The following SOD2 variants were observed in gnomAD, a reference collection of about 807,000 sequenced individuals.
The protein encoded by SOD2 is superoxide dismutase 2.
In SOD2, 11 loss-of-function variants were observed where a neutral mutation model predicts 27.0. That is an observed-to-expected ratio of 0.41 (90% CI 0.26 to 0.67). The LOEUF (loss-of-function observed/expected upper bound fraction) is 0.67. SOD2 is among the 30% of genes least tolerant of loss of function. The pLI is 0.34. For missense variants in SOD2, 250 were observed against 274.5 expected (o/e 0.91, Z 0.63); for synonymous variants, 105 against 103.0 (o/e 1.02, Z -0.12).
Position 159,682,526 on chromosome 6 carries a change from A to G in SOD2, c.636T>C (p.Asn212=). The change falls in exon 5 of 5, where the codon AAT becomes AAC. Residue 212 remains asparagine, a synonymous_variant. Transcript: ENST00000538183. The part of the protein sequence containing the change: ...KAIWNVINWE[N]VTERYMACKK ...TGCAAGCCATGTATCTTTCAGTTACATTCTCCCAGTTGATTACATTCCAAA... is the reference window on the plus strand; with the variant it reads ...TGCAAGCCATGTATCTTTCAGTTACGTTCTCCCAGTTGATTACATTCCAAA... 1.2e-6 allele frequency: 2 copies of G among 1,613,956 alleles called. No individual in the cohort carries two copies. Among genetic ancestry groups the G allele is most frequent in the Non-Finnish European group, 1.7e-6 (2 of 1,179,958 alleles).
chr6:159,705,816 C>T lies in SOD2; in HGVS notation c.-115-12953G>A, dbSNP rs1269940041. Among the ~76,000 whole-genome samples, 9 of 152,318 alleles carry T rather than the reference C, an allele frequency of 5.9e-5. No individual in the cohort carries two copies. The East Asian group carries it at 1.7e-3, about 29-fold the overall frequency. Reference sequence around the variant, plus strand: ...GAGCAACTCCAAGACACATAATTGTCAGATTCACCAAAGTTGAAATGAAGG... The same window carrying T: ...GAGCAACTCCAAGACACATAATTGTTAGATTCACCAAAGTTGAAATGAAGG... On this transcript the variant is annotated intron_variant, in intron 1 of 2. Transcript: ENST00000401980.
intron 1 of SOD2, chr6:159,755,938 A>T (rs995289393): frequency 2.9e-4 from 70 of 242,246 alleles, no homozygotes; most frequent in Non-Finnish European, 5.1e-4. Flanking sequence ...CAACACAATG[A>T]TGTCTGTATA....
In SOD2 at chr6:159,677,433, A is replaced by C. The variant is rs1779802800; in HGVS notation, c.*5060T>G. 6.6e-6 allele frequency: 1 copy of C among 152,216 alleles called. No homozygotes were observed. The highest frequency in any genetic ancestry group is 1.5e-5 in the Non-Finnish European group (1 of 68,048). 9.4% of individuals were successfully genotyped at this position (152,216 alleles called of 1,614,324 possible). On this transcript the variant is annotated 3_prime_UTR_variant, in exon 5 of 5. Transcript: ENST00000538183. The stretch of plus-strand genomic sequence containing the variant: ...CATGCCAACTTCACATCCCTTTCCA[A>C]ATAGTATGCCAGTACTATACCAAAT...
chr6:159,735,612 G>A (rs1022397732), intron 1 of SOD2, among the ~76,000 whole-genome samples: 7 of 152,118 alleles, frequency 4.6e-5, no homozygotes, highest in Non-Finnish European at 1.0e-4. Flanking sequence ...AGCCAGGTGT[G>A]GTGGCACGCA....
chr6:159,716,660 G>C (rs1185393835), intron 1 of SOD2, among the ~76,000 whole-genome samples: 1 of 152,136 alleles, frequency 6.6e-6, no homozygotes, highest in Non-Finnish European at 1.5e-5. Context: ...ATGACGGGAG[G>C]GGGCAGTATT....
chr6:159,707,519 G>A (rs1777650340), intron 1 of SOD2, among the ~76,000 whole-genome samples: 2 of 152,180 alleles, frequency 1.3e-5, no homozygotes, highest in Non-Finnish European at 2.9e-5. Context: ...AAATCTAGAA[G>A]AAATGGATAA....
chr6:159,736,445 T>C, intron 1 of SOD2: 1 of 633,672 alleles, frequency 1.6e-6, no homozygotes, highest in Non-Finnish European at 2.8e-6. Flanking sequence ...GCATTGGAGT[T>C]GTACAGTGTG....
intron 1 of SOD2, among the ~76,000 whole-genome samples, chr6:159,709,560 C>A (rs547879639): frequency 6.6e-6 from 1 of 152,112 alleles, no homozygotes; most frequent in East Asian, 1.9e-4. Context: ...ATCAAAAGCA[C>A]AATGAGATAT....
At chr6:159,760,911 G>A (rs1478546447) in intron 1 of SOD2, 2 of 152,290 alleles carry the variant, frequency 1.3e-5, no homozygotes, top group African/African-American at 2.4e-5. Context: ...GTGCTGCTGA[G>A]TTCTTAGCAG....
chr6:159,686,253 C>G (rs1780181799), intron 3 of SOD2, among the ~76,000 whole-genome samples: 2 of 152,154 alleles, frequency 1.3e-5, no homozygotes, highest in Admixed American at 6.5e-5. Flanking sequence ...AAAATGGCAG[C>G]ATACCAAAAC....
intron 1 of SOD2, chr6:159,753,373 A>G (rs941591761): frequency 1.3e-6 from 2 of 1,558,402 alleles, no homozygotes; most frequent in Non-Finnish European, 1.8e-6. Context: ...TTATGTTTGT[A>G]TGTGTTACAT....
At chr6:159,698,359 C>T (rs528381228) in intron 1 of SOD2, among the ~76,000 whole-genome samples, 1 of 151,816 alleles carries the variant, frequency 6.6e-6, no homozygotes, top group Non-Finnish European at 1.5e-5. Context: ...TGAGATCCTG[C>T]CACTGCACTC....
chr6:159,759,946 T>C (rs1257876321), intron 1 of SOD2, among the ~76,000 whole-genome samples: 1 of 152,238 alleles, frequency 6.6e-6, no homozygotes, highest in African/African-American at 2.4e-5. Flanking sequence ...ATAAAGAATA[T>C]TGGTGTTCAT....
intron 1 of SOD2, among the ~76,000 whole-genome samples, chr6:159,717,354 C>T (rs546362964): frequency 6.6e-6 from 1 of 152,242 alleles, no homozygotes; most frequent in African/African-American, 2.4e-5. Flanking sequence ...GGTTCAAGGA[C>T]TTCTCCCACC....
intron 1 of SOD2, among the ~76,000 whole-genome samples, chr6:159,751,790 G>C (rs956987846): frequency 6.6e-6 from 1 of 152,114 alleles, no homozygotes; most frequent in Non-Finnish European, 1.5e-5. Flanking sequence ...AGCCAGGCAC[G>C]GTGGCTCATG....
At chr6:159,742,199 A>G (rs1779298821) in intron 1 of SOD2, 6 of 1,427,920 alleles carry the variant, frequency 4.2e-6, no homozygotes, top group Non-Finnish European at 5.8e-6. Context: ...TTTGATTGTT[A>G]AAATCAAAAG....
chr6:159,698,968 C>A (rs1393198390), intron 1 of SOD2, among the ~76,000 whole-genome samples: 1 of 151,160 alleles, frequency 6.6e-6, no homozygotes, highest in African/African-American at 2.4e-5. Flanking sequence ...AGAAGAAAAT[C>A]TACATAGAAG....
rs1779756903 is a variant in SOD2, at chr6:159,675,417, A to C, written c.*7076T>G. On this transcript the variant is annotated 3_prime_UTR_variant, in exon 5 of 5. Coordinates refer to ENST00000538183, the MANE Select transcript of SOD2 (RefSeq NM_000636.4). ...AAACAGAGATATAGACCAATGGAAC[A>C]GAACAGAGCCCTCAGAAATAATACC... The C allele has an allele frequency of 6.6e-6, 1 of 152,236 alleles. No homozygotes were observed. Among genetic ancestry groups the C allele is most frequent in the Admixed American group, 6.5e-5 (1 of 15,282 alleles). The allele number at this position is 152,236 out of a possible 1,614,324, so 9.4% of individuals were successfully genotyped here.
At chr6:159,753,251 T>C (rs1301741729) in intron 1 of SOD2, 3 of 624,296 alleles carry the variant, frequency 4.8e-6, no homozygotes, top group Admixed American at 3.2e-5. Flanking sequence ...TTGGGCACTT[T>C]TTGTTTAGGG....
Sources: gnomAD v4.1 joint callset for allele counts (sites outside exome capture counted in the v4.1 genomes callset) on GRCh38, gnomAD v4.1.1 for gene constraint, MANE v1.5 for transcripts, NCBI Gene and HGNC (gene_info 2026-07-23, HGNC 2026-07-21) for gene names.